Variants in RORA observed in about 807,000 individuals in gnomAD.
RORA encodes nuclear receptor ROR-alpha.
In RORA, 7 loss-of-function variants were observed where a neutral mutation model predicts 69.5. The observed-to-expected ratio is 0.10, with a 90% CI of 0.06 to 0.19. The LOEUF is 0.19. Ranked by LOEUF, RORA falls within the 10% of genes least tolerant of loss-of-function variation. RORA has a pLI of 1.00. For synonymous variants in RORA, 261 were observed against 240.8 expected, an observed-to-expected ratio of 1.08 and a Z score of -0.78; for missense variants, 457 against 663.0, an observed-to-expected ratio of 0.69 and a Z score of 3.41.
At chr15:60,955,601 A>G (rs920640915) in intron 1 of RORA, among the ~76,000 whole-genome samples, 52 of 152,360 alleles carry the variant, frequency 3.4e-4, no homozygotes, top group African/African-American at 1.2e-3. Context: ...ATTCAACACA[A>G]TAAGAACTCA....
At chr15:60,931,851 C>T (rs1333148885) in intron 1 of RORA, among the ~76,000 whole-genome samples, 3 of 152,186 alleles carry the variant, frequency 2.0e-5, no homozygotes, top group Non-Finnish European at 4.4e-5. Context: ...TTCATTTCTC[C>T]AGCTAAATAT....
chr15:60,548,317 T>G (rs1177978431), intron 2 of RORA, among the ~76,000 whole-genome samples: 1 of 152,190 alleles, frequency 6.6e-6, no homozygotes, highest in African/African-American at 2.4e-5. Context: ...TTGTCATTAA[T>G]GTCAGCCAAG....
intron 1 of RORA, chr15:61,040,956 A>G (rs1172664620): frequency 6.6e-6 from 1 of 152,228 alleles, no homozygotes; most frequent in Non-Finnish European, 1.5e-5. Context: ...ACCAGCTATC[A>G]TATAGATTTT....
intron 1 of RORA, among the ~76,000 whole-genome samples, chr15:60,759,387 T>C (rs955588895): frequency 1.3e-5 from 2 of 152,152 alleles, no homozygotes; most frequent in Non-Finnish European, 2.9e-5. Flanking sequence ...ATTCTCACTA[T>C]AGGATCCTCA....
In RORA at chr15:60,511,521, C is replaced by A; in HGVS notation, c.525G>T (p.Gln175His). 6.2e-7 allele frequency: 1 copy of A among 1,614,176 alleles called. No homozygotes were observed. The highest frequency in any genetic ancestry group is 8.5e-7 in the Non-Finnish European group (1 of 1,180,022). Residue 175 changes from glutamine to histidine, a missense_variant, in exon 5 of 11, where the codon CAG (glutamine) becomes CAT (histidine). Gln to His is a conservative substitution (Grantham distance 24). Transcript: ENST00000335670. The surrounding 1 kb of genome is among the most constrained non-coding windows in gnomAD (Gnocchi z 6.4). Reference sequence around the variant, plus strand: ...GCGTCAGCGGCTCAGCCTCTCCAGGCTGCTGCTGGTGGTCGCGCTGCTGCT... The same window carrying A: ...GCGTCAGCGGCTCAGCCTCTCCAGGATGCTGCTGGTGGTCGCGCTGCTGCT... ...MQQQQRDHQQ[Q>H]PGEAEPLTPT...
rs372200161 is a variant in RORA at position 61,133,686 on chromosome 15, C to T, written c.166+95367G>A. On this transcript the variant is annotated intron_variant, in intron 1 of 10. Transcript: ENST00000335670. Reference sequence around the variant, plus strand: ...GACTACATTCACCCCATGAACTTACCTTCTCTGTTCTCCTCCAACCTGAGA... The same window carrying T: ...GACTACATTCACCCCATGAACTTACTTTCTCTGTTCTCCTCCAACCTGAGA... Among the ~76,000 whole-genome samples the T allele has an allele frequency of 1.2e-4, 18 of 152,270 alleles. No homozygotes were observed. In the East Asian group the frequency reaches 2.5e-3, roughly 21 times the overall value.
chr15:60,879,755 A>G (rs2073658350), intron 1 of RORA, among the ~76,000 whole-genome samples: 1 of 152,234 alleles, frequency 6.6e-6, no homozygotes, highest in Admixed American at 6.5e-5. Context: ...GGTTAGGGTC[A>G]GGGTTCTGGA....
chr15:60,846,024 C>T (rs910104162), intron 1 of RORA, among the ~76,000 whole-genome samples: 1 of 152,214 alleles, frequency 6.6e-6, no homozygotes, highest in Non-Finnish European at 1.5e-5. Context: ...GGATTACAGG[C>T]GTGAGCCACC....
intron 1 of RORA, chr15:60,849,178 C>T (rs867153327): frequency 5.1e-4 from 78 of 152,278 alleles, no homozygotes; most frequent in African/African-American, 1.8e-3. Context: ...TTTTCTGTCT[C>T]TCCTGACTAG....
intron 1 of RORA, among the ~76,000 whole-genome samples, chr15:60,899,657 A>G (rs374441248): frequency 1.3e-5 from 2 of 152,202 alleles, no homozygotes; most frequent in Non-Finnish European, 2.9e-5. Flanking sequence ...GTCAGCAAAA[A>G]GCCTTTTCAC....
At chr15:60,824,375 AT>A (rs1356660693) in intron 1 of RORA, among the ~76,000 whole-genome samples, 2 of 152,162 alleles carry the variant, frequency 1.3e-5, no homozygotes, top group African/African-American at 4.8e-5. Flanking sequence ...AGACACAATT[AT>A]CTCTTTGAGC....
Position 60,538,360 on chromosome 15 carries a change from A to T in RORA, c.197-6509T>A, listed in dbSNP as rs572859131. Among the ~76,000 whole-genome samples the T allele has an allele frequency of 2.0e-5, 3 of 152,114 alleles. No homozygotes were observed. In the East Asian group the frequency reaches 5.8e-4, roughly 29 times the overall value. On this transcript the variant is annotated intron_variant, in intron 2 of 10. Coordinates refer to ENST00000335670, the MANE Select transcript of RORA (RefSeq NM_134261.3). Reference sequence around the variant, plus strand: ...ATCCATAAAAATGGGAATAATTCTTACCTCCCAGGCAGGTGGTGGTAAATG... The same window carrying T: ...ATCCATAAAAATGGGAATAATTCTTTCCTCCCAGGCAGGTGGTGGTAAATG...
At chr15:60,649,088 A>G (rs1259522932) in intron 2 of RORA, among the ~76,000 whole-genome samples, 1 of 152,118 alleles carries the variant, frequency 6.6e-6, no homozygotes, top group Admixed American at 6.6e-5. Flanking sequence ...TGAACACAGT[A>G]TAATATTCCC....
intron 1 of RORA, among the ~76,000 whole-genome samples, chr15:61,191,393 G>T (rs1256804873): frequency 6.6e-6 from 1 of 150,750 alleles, no homozygotes; most frequent in Non-Finnish European, 1.5e-5. Flanking sequence ...AAAGAAATCA[G>T]TTCTGATCAA....
rs193302813 is a variant in RORA at position 60,679,512 on chromosome 15, C to T, written c.167-826G>A. Among the ~76,000 whole-genome samples, 4 of 152,268 alleles carry T rather than the reference C, an allele frequency of 2.6e-5. No individual in the cohort carries two copies. The East Asian group carries it at 5.8e-4, about 22-fold the overall frequency. On this transcript the variant is annotated intron_variant, in intron 1 of 10. Transcript: ENST00000335670. ...TTTGAATCCTTTATGCTGCATTCTTCTTGGGAGACGTTCTTGAGACTAAGT... is the reference window on the plus strand; with the variant it reads ...TTTGAATCCTTTATGCTGCATTCTTTTTGGGAGACGTTCTTGAGACTAAGT...
chr15:61,079,797 C>T (rs1350994665), intron 1 of RORA, among the ~76,000 whole-genome samples: 2 of 152,178 alleles, frequency 1.3e-5, no homozygotes, highest in South Asian at 2.1e-4. Context: ...TACATTTGCT[C>T]GCCTGGGCAC....
intron 2 of RORA, among the ~76,000 whole-genome samples, chr15:60,630,903 T>TTTTTTTTG: frequency 6.7e-6 from 1 of 148,258 alleles, no homozygotes; most frequent in Non-Finnish European, 1.5e-5. Context: ...TTTTTTTTTT[T>TTTTTTTTG]TTGAGACGGA....
At chr15:60,873,360 AAATG>A (rs772398716) in intron 1 of RORA, among the ~76,000 whole-genome samples, 3 of 152,208 alleles carry the variant, frequency 2.0e-5, no homozygotes, top group Admixed American at 6.5e-5. Context: ...TTTTTGGAAT[AAATG>A]AATGAATGAA....
chr15:60,503,691 A>C lies in RORA; in HGVS notation c.943-24T>G, dbSNP rs201575675. ...TGCTGTTAAAGAGGGAAACACATTA[A>C]CATCCTCCAGGAAGATGTTAGCTTT... On this transcript the variant is annotated intron_variant, in intron 6 of 10. Coordinates refer to ENST00000335670, the MANE Select transcript of RORA (RefSeq NM_134261.3). 6.0e-5 allele frequency: 96 copies of C among 1,612,038 alleles called. 1 individual carries two copies. In the Admixed American group the frequency reaches 1.5e-3, roughly 26 times the overall value.
Sources: allele counts gnomAD v4.1 joint callset (sites outside exome capture counted in the v4.1 genomes callset), GRCh38; gene constraint gnomAD v4.1.1; non-coding constraint Gnocchi (gnomAD v3.1); transcripts MANE v1.5; gene names NCBI Gene and HGNC (gene_info 2026-07-23, HGNC 2026-07-21).